The following VMP1 variants were observed in gnomAD, a reference collection of about 807,000 sequenced individuals.
VMP1 encodes the protein vacuole membrane protein 1.
VMP1 carries 11 observed loss-of-function variants against 56.0 expected under a neutral mutation model. The ratio of observed to expected loss-of-function variants is 0.20; its 90% CI spans 0.12 to 0.32. The LOEUF is 0.32. Ranked by LOEUF, VMP1 falls within the 10% of genes least tolerant of loss-of-function variation. The pLI is 1.00. For missense variants in VMP1, 296 were observed against 490.3 expected, an observed-to-expected ratio of 0.60 and a Z score of 3.74; for synonymous variants, 149 against 165.0, an observed-to-expected ratio of 0.90 and a Z score of 0.74.
At chr17:59,770,252 GAGA>G (rs1223396280) in intron 6 of VMP1, among the ~76,000 whole-genome samples, 1 of 152,110 alleles carries the variant, frequency 6.6e-6, no homozygotes, top group Non-Finnish European at 1.5e-5. Context: ...TTGAACTTAG[GAGA>G]AGTTCATGTT....
At chr17:59,743,867 C>T (rs912081739) in intron 5 of VMP1, among the ~76,000 whole-genome samples, 3 of 151,746 alleles carry the variant, frequency 2.0e-5, no homozygotes, top group Admixed American at 6.6e-5. Flanking sequence ...TTCTACTTTC[C>T]CAATCTGTAT....
chr17:59,793,787 C>T (rs1309974137), intron 7 of VMP1, among the ~76,000 whole-genome samples: 5 of 128,592 alleles, frequency 3.9e-5, no homozygotes, highest in African/African-American at 1.0e-4. Flanking sequence ...CCACCATGCC[C>T]GTTTAATTTT....
Position 59,841,204 on chromosome 17 carries a change from A to G in VMP1, c.*1293A>G. On this transcript the variant is annotated 3_prime_UTR_variant, in exon 12 of 12. Transcript: ENST00000262291. ...GTTTTTGTTTTTGTTTTTTTATCAA[A>G]TCCTGCCTGACTGTCTGCTTGTTTT... 2.3e-6 allele frequency: 1 copy of G among 431,638 alleles called. No individual in the cohort carries two copies. Among genetic ancestry groups the G allele is most frequent in the Non-Finnish European group, 5.1e-6 (1 of 195,270 alleles). 26.7% of individuals were successfully genotyped at this position (431,638 alleles called of 1,614,324 possible). A position where few individuals can be genotyped will look rare whatever the true frequency, so the allele number is the denominator to read the frequency against.
At chr17:59,762,233 G>T (rs1210771940) in intron 5 of VMP1, among the ~76,000 whole-genome samples, 1 of 152,160 alleles carries the variant, frequency 6.6e-6, no homozygotes, top group Non-Finnish European at 1.5e-5. Flanking sequence ...GCTCCCACAA[G>T]AGTTGGAACC....
At chr17:59,754,886 T>G (rs1356933835) in intron 5 of VMP1, among the ~76,000 whole-genome samples, 3 of 152,108 alleles carry the variant, frequency 2.0e-5, no homozygotes, top group Non-Finnish European at 4.4e-5. Flanking sequence ...TTCCTGCCCT[T>G]AAGTTTATTA....
At chr17:59,836,405 C>G (rs2144346065) in intron 10 of VMP1, among the ~76,000 whole-genome samples, 1 of 151,750 alleles carries the variant, frequency 6.6e-6, no homozygotes, top group African/African-American at 2.4e-5. Flanking sequence ...ACCATGTTTC[C>G]CAGGATGGTA....
At chr17:59,837,781 C>T (rs1428195666) in intron 10 of VMP1, 2 of 152,246 alleles carry the variant, frequency 1.3e-5, no homozygotes, top group Admixed American at 6.5e-5. Context: ...ACCGCCCCCT[C>T]TGAGAAGAGG....
intron 10 of VMP1, among the ~76,000 whole-genome samples, chr17:59,824,285 G>T (rs930968088): frequency 2.0e-5 from 3 of 151,036 alleles, no homozygotes; most frequent in Non-Finnish European, 4.4e-5. Flanking sequence ...AAATCTTTTG[G>T]CTGGGGCCGG....
intron 5 of VMP1, among the ~76,000 whole-genome samples, chr17:59,759,373 C>CA (rs1339973657): frequency 4.1e-5 from 5 of 120,836 alleles, no homozygotes; most frequent in Admixed American, 3.4e-4. Flanking sequence ...GACTCTGTCT[C>CA]AAAAAAAATA....
At chr17:59,745,071 G>A (rs1445942147) in intron 5 of VMP1, among the ~76,000 whole-genome samples, 1 of 152,008 alleles carries the variant, frequency 6.6e-6, no homozygotes, top group Non-Finnish European at 1.5e-5. Flanking sequence ...TTCATGTTTG[G>A]TGGCCATTTT....
At chr17:59,828,165 C>T (rs1333859658) in intron 10 of VMP1, among the ~76,000 whole-genome samples, 7 of 152,268 alleles carry the variant, frequency 4.6e-5, no homozygotes, top group African/African-American at 1.7e-4. Context: ...CCACATTCAT[C>T]AGCACAAATG....
intron 1 of VMP1, among the ~76,000 whole-genome samples, chr17:59,709,145 G>A (rs182062749): frequency 3.9e-5 from 6 of 152,232 alleles, no homozygotes; most frequent in Admixed American, 2.0e-4. Flanking sequence ...ATTTGTTCAC[G>A]CTTGGCTTTG....
chr17:59,763,338 A>G (rs971092765), intron 5 of VMP1, among the ~76,000 whole-genome samples: 1 of 152,086 alleles, frequency 6.6e-6, no homozygotes, highest in African/African-American at 2.4e-5. Context: ...TGTAGATTTC[A>G]TGGTTAATCA....
At chr17:59,717,068 C>T (rs2034186213) in intron 1 of VMP1, among the ~76,000 whole-genome samples, 1 of 152,096 alleles carries the variant, frequency 6.6e-6, no homozygotes, top group Admixed American at 6.5e-5. Context: ...CAAGCTCCGC[C>T]TCCCGGGTTC....
At chr17:59,815,798 G>A (rs1448785158) in intron 9 of VMP1, among the ~76,000 whole-genome samples, 1 of 149,032 alleles carries the variant, frequency 6.7e-6, no homozygotes, top group East Asian at 2.0e-4. Context: ...GGAGGTTGCA[G>A]TGAGCCCAGA....
chr17:59,746,438 C>G (rs1160998460), intron 5 of VMP1, among the ~76,000 whole-genome samples: 1 of 152,224 alleles, frequency 6.6e-6, no homozygotes, highest in African/African-American at 2.4e-5. Flanking sequence ...TCCCAAAGTA[C>G]TGGGATTACA....
At chr17:59,783,023 G>A (rs796636298) in intron 7 of VMP1, among the ~76,000 whole-genome samples, 3 of 151,956 alleles carry the variant, frequency 2.0e-5, no homozygotes, top group African/African-American at 4.8e-5. Flanking sequence ...GTGAAACCCC[G>A]TCTCCACTAA....
intron 5 of VMP1, among the ~76,000 whole-genome samples, chr17:59,759,138 C>T (rs975215889): frequency 6.6e-6 from 1 of 152,164 alleles, no homozygotes; most frequent in African/African-American, 2.4e-5. Context: ...CGCCAGCAGT[C>T]CCAGTTGGGT....
intron 7 of VMP1, among the ~76,000 whole-genome samples, chr17:59,779,285 A>G (rs1455951795): frequency 6.6e-6 from 1 of 152,190 alleles, no homozygotes; most frequent in Non-Finnish European, 1.5e-5. Flanking sequence ...ACACAAACAC[A>G]AGCACAAGTA....
Sources: allele counts gnomAD v4.1 joint callset (sites outside exome capture counted in the v4.1 genomes callset), GRCh38; gene constraint gnomAD v4.1.1; transcripts MANE v1.5; gene names NCBI Gene and HGNC (gene_info 2026-07-23, HGNC 2026-07-21).